The following NEBL variants were observed in gnomAD, a reference collection of about 807,000 sequenced individuals.
NEBL encodes LIM and SH3 protein 2.
Under a neutral mutation model 140.2 loss-of-function variants are expected in NEBL, and 122 were observed. The observed-to-expected ratio is 0.87, with a 90% CI of 0.75 to 1.01. NEBL has a LOEUF of 1.01. Among genes scored for constraint, NEBL ranks in the 50% least tolerant of loss-of-function variants. The pLI is 0.00. For missense variants in NEBL, 1,365 were observed against 1,231.3 expected (o/e 1.11, Z -1.62); for synonymous variants, 436 against 398.9 (o/e 1.09, Z -1.11).
chr10:20,918,382 G>C (rs1195444832), intron 4 of NEBL, among the ~76,000 whole-genome samples: 2 of 151,748 alleles, frequency 1.3e-5, no homozygotes, highest in African/African-American at 4.8e-5. Context: ...AAGCTCCACT[G>C]TTCACCGAGT....
intron 26 of NEBL, 97 bp from the exon 27 acceptor site, chr10:20,787,405 C>G: frequency 1.0e-6 from 1 of 968,424 alleles, no homozygotes; most frequent in Non-Finnish European, 1.6e-6. Flanking sequence ...CTGCTAGAAG[C>G]TTCTGAAACA....
chr10:20,876,063 T>G (rs1010684992), intron 5 of NEBL, among the ~76,000 whole-genome samples: 5 of 152,228 alleles, frequency 3.3e-5, no homozygotes, highest in Non-Finnish European at 7.3e-5. Context: ...TGTCTAGGCA[T>G]GCTGTGCATA....
At chr10:20,876,408 C>T (rs935040000) in intron 5 of NEBL, among the ~76,000 whole-genome samples, 2 of 152,016 alleles carry the variant, frequency 1.3e-5, no homozygotes, top group South Asian at 2.1e-4. Context: ...AATTTTAATG[C>T]TAAATCCTAA....
intron 2 of NEBL, among the ~76,000 whole-genome samples, chr10:21,155,254 T>C (rs938183099): frequency 6.6e-6 from 1 of 152,214 alleles, no homozygotes; most frequent in Non-Finnish European, 1.5e-5. Context: ...ATCCATCCCC[T>C]CAAGCATCTA....
intron 13 of NEBL, among the ~76,000 whole-genome samples, chr10:20,837,823 T>C (rs1051655740): frequency 4.6e-5 from 7 of 152,194 alleles, no homozygotes; most frequent in Admixed American, 4.6e-4. Flanking sequence ...TTAAGAATTA[T>C]GCTAAATCTA....
intron 4 of NEBL, among the ~76,000 whole-genome samples, chr10:20,922,036 C>A (rs564098758): frequency 6.6e-6 from 1 of 152,208 alleles, no homozygotes; most frequent in Admixed American, 6.5e-5. Context: ...CCTAAGTAGG[C>A]TCCTAAAATT....
intron 3 of NEBL, among the ~76,000 whole-genome samples, chr10:21,202,701 A>T (rs555610375): frequency 6.6e-6 from 1 of 151,742 alleles, no homozygotes; most frequent in South Asian, 2.1e-4. Flanking sequence ...TGACCTCGTG[A>T]TCGCCCGTCT....
rs1840386584 is a variant in NEBL, at chr10:20,831,265, T to C, written c.1602A>G (p.Lys534=). The C allele has an allele frequency of 6.2e-7, 1 of 1,613,102 alleles. No individual in the cohort carries two copies. Among genetic ancestry groups the C allele is most frequent in the African/African-American group, 1.3e-5 (1 of 74,910 alleles). The change falls in exon 16 of 28, where the codon AAA becomes AAG. Residue 534 remains lysine, a synonymous_variant. Coordinates refer to ENST00000377122, the MANE Select transcript of NEBL (RefSeq NM_006393.3). ...KKDLENEIKG[K]GMQVSMDIPD... ...GGATATCCATGCTCACTTGCATTCC[T>C]TTCCCTTTAATTTCATTTTCTAAGT...
chr10:21,059,100 C>T (rs2131872780), intron 2 of NEBL, among the ~76,000 whole-genome samples: 1 of 152,118 alleles, frequency 6.6e-6, no homozygotes, highest in South Asian at 2.1e-4. Context: ...TATCACTCAC[C>T]CCCATTTATC....
rs912209691 is a variant in NEBL at position 21,276,876 on chromosome 10, T to C, written n.182+15954A>G. ...CCCAGCTACTTGTGAAGCTGAGGCA[T>C]GAGAATCACGTGAACCTGAGAGGCG... On this transcript the variant is annotated intron_variant and non_coding_transcript_variant, in intron 1 of 8. Coordinates refer to the NEBL transcript ENST00000675702. Among the ~76,000 whole-genome samples the C allele has an allele frequency of 3.3e-5, 5 of 152,036 alleles. No homozygotes were observed. In the South Asian group the frequency reaches 1.0e-3, roughly 32 times the overall value.
chr10:20,817,254 C>T (rs1838808181), intron 21 of NEBL, among the ~76,000 whole-genome samples: 1 of 152,124 alleles, frequency 6.6e-6, no homozygotes. Flanking sequence ...GTAATCCCAG[C>T]TGCTTGGGAG....
At chr10:21,261,195 A>T (rs762707581) in intron 1 of NEBL, among the ~76,000 whole-genome samples, 2 of 152,234 alleles carry the variant, frequency 1.3e-5, no homozygotes, top group African/African-American at 4.8e-5. Flanking sequence ...CACATGAAAC[A>T]TCAAGGCAGT....
At chr10:20,981,409 A>T (rs372935378) in intron 3 of NEBL, among the ~76,000 whole-genome samples, 7 of 144,584 alleles carry the variant, frequency 4.8e-5, no homozygotes, top group African/African-American at 1.7e-4. Context: ...ATCTCATAAA[A>T]AAAACACACA....
Position 21,081,290 on chromosome 10 carries a change from G to A in NEBL, c.165-61089C>T, listed in dbSNP as rs77320324. On this transcript the variant is annotated intron_variant, in intron 2 of 6. Transcript: ENST00000417816. The stretch of plus-strand genomic sequence containing the variant: ...TCAATGGGGCCACCATTTGAGTTGT[G>A]GGGAGCTCCAGCAGCTGGCACAGGA... Among the ~76,000 whole-genome samples, 355 of 152,306 alleles carry A rather than the reference G, an allele frequency of 2.3e-3. 10 individuals carry two copies. In the East Asian group the frequency reaches 0.061, roughly 26 times the overall value.
chr10:21,138,236 A>G (rs919751504), intron 2 of NEBL, among the ~76,000 whole-genome samples: 2 of 152,158 alleles, frequency 1.3e-5, no homozygotes, highest in Non-Finnish European at 2.9e-5. Context: ...AAATGTGTGC[A>G]TGTTCCACTG....
chr10:20,975,035 C>T (rs1315815504), intron 3 of NEBL, among the ~76,000 whole-genome samples: 1 of 152,038 alleles, frequency 6.6e-6, no homozygotes, highest in Admixed American at 6.6e-5. Context: ...TATATTTGTC[C>T]TTTGCTGACT....
At chr10:20,845,143 A>G (rs1239043723) in intron 12 of NEBL, 115 bp downstream of exon 12, 1 of 663,280 alleles carries the variant, frequency 1.5e-6, no homozygotes, top group African/African-American at 1.8e-5. Context: ...AGTGAAAAAA[A>G]AGAGTAATGC....
chr10:21,251,746 G>A (rs1034382392), exon 2 of NEBL, among the ~76,000 whole-genome samples: 2 of 152,112 alleles, frequency 1.3e-5, no homozygotes, highest in African/African-American at 4.8e-5. Context: ...TTTGCCATAT[G>A]AGGACACAGA....
At chr10:21,093,150 C>CTTTCTTTTTTTTTTT (rs1837001125) in intron 2 of NEBL, among the ~76,000 whole-genome samples, 1 of 95,040 alleles carries the variant, frequency 1.1e-5, no homozygotes, top group Admixed American at 1.2e-4. Context: ...AGCAACAAGT[C>CTTTCTTTTTTTTTTT]TTTTTTTTTT....
Sources: gnomAD v4.1 joint callset for allele counts (sites outside exome capture counted in the v4.1 genomes callset) on GRCh38, gnomAD v4.1.1 for gene constraint, MANE v1.5 for transcripts, NCBI Gene and HGNC (gene_info 2026-07-23, HGNC 2026-07-21) for gene names.